The following AGBL1 variants were observed in gnomAD, a reference collection of about 807,000 sequenced individuals.
The protein encoded by AGBL1 is AGBL carboxypeptidase 1.
AGBL1 carries 130 observed loss-of-function variants against 118.9 expected under a neutral mutation model. That is an observed-to-expected ratio of 1.09 (90% CI 0.95 to 1.26). AGBL1 has a LOEUF of 1.26. Among genes scored for constraint, AGBL1 ranks in the 50% most tolerant of loss-of-function variants. AGBL1 has a pLI of 0.00. For synonymous variants in AGBL1, 555 were observed against 478.9 expected (o/e 1.16, Z -2.08); for missense variants, 1,584 against 1,298.1 (o/e 1.22, Z -3.38).
intron 6 of AGBL1, among the ~76,000 whole-genome samples, chr15:86,229,482 C>T (rs1383335091): frequency 6.6e-6 from 1 of 152,170 alleles, no homozygotes; most frequent in Non-Finnish European, 1.5e-5. Context: ...TTACCTCCCA[C>T]CAGGTCCCTT....
At chr15:86,825,387 TAAAAAAAAAAAAAAAA>T (rs869042604) in intron 22 of AGBL1, among the ~76,000 whole-genome samples, 9 of 11,124 alleles carry the variant, frequency 8.1e-4, no homozygotes, top group South Asian at 8.6e-3. Flanking sequence ...GTAGAAACTG[TAAAAAAAAAAAAAAAA>T]AAAAAAAAAA....
chr15:86,817,474 A>ACACACACACG (rs1314437982), intron 22 of AGBL1, among the ~76,000 whole-genome samples: 3 of 148,934 alleles, frequency 2.0e-5, no homozygotes, highest in African/African-American at 7.5e-5. Context: ...ACACACACAC[A>ACACACACACG]CACACACACA....
intron 22 of AGBL1, among the ~76,000 whole-genome samples, chr15:86,841,724 G>A (rs997095554): frequency 2.6e-5 from 4 of 152,038 alleles, no homozygotes; most frequent in East Asian, 1.9e-4. Flanking sequence ...GTGCATGCCC[G>A]TAATCCCATC....
intron 22 of AGBL1, among the ~76,000 whole-genome samples, chr15:86,899,394 G>A (rs1282711782): frequency 6.6e-6 from 1 of 152,074 alleles, no homozygotes; most frequent in Non-Finnish European, 1.5e-5. Context: ...GGGTAGAGGT[G>A]GGGAGGAGGG....
intron 21 of AGBL1, among the ~76,000 whole-genome samples, chr15:86,645,843 G>A (rs1023868015): frequency 1.3e-5 from 2 of 152,110 alleles, no homozygotes; most frequent in Non-Finnish European, 2.9e-5. Flanking sequence ...TGAGCTGAAC[G>A]TTCCAAGCAG....
intron 16 of AGBL1, among the ~76,000 whole-genome samples, chr15:86,292,010 A>G (rs2079554266): frequency 6.6e-6 from 1 of 152,194 alleles, no homozygotes; most frequent in South Asian, 2.1e-4. Flanking sequence ...GCTTTCTGGA[A>G]CATCACAAGA....
chr15:86,396,161 AT>A (rs2081358179), intron 17 of AGBL1, among the ~76,000 whole-genome samples: 1 of 147,658 alleles, frequency 6.8e-6, no homozygotes, highest in Non-Finnish European at 1.5e-5. Context: ...ATATATATAT[AT>A]AAAATCATAT....
At chr15:86,196,507 TA>T (rs1183855159) in intron 5 of AGBL1, among the ~76,000 whole-genome samples, 1 of 152,160 alleles carries the variant, frequency 6.6e-6, no homozygotes, top group African/African-American at 2.4e-5. Context: ...GCCTTATTCC[TA>T]CATCAATCAA....
At chr15:86,964,508 T>C (rs1310819649) in intron 23 of AGBL1, among the ~76,000 whole-genome samples, 2 of 151,988 alleles carry the variant, frequency 1.3e-5, no homozygotes, top group Non-Finnish European at 2.9e-5. Flanking sequence ...AGTAGGTCCG[T>C]AGGATCCTTA....
intron 18 of AGBL1, among the ~76,000 whole-genome samples, chr15:86,508,088 T>A (rs1464392595): frequency 1.4e-5 from 2 of 144,326 alleles, no homozygotes; most frequent in Non-Finnish European, 3.1e-5. Context: ...GCCCAGCTAA[T>A]TTTTTTTGTA....
At chr15:86,260,850 G>C (rs1453206833) in intron 9 of AGBL1, among the ~76,000 whole-genome samples, 2 of 152,254 alleles carry the variant, frequency 1.3e-5, no homozygotes, top group East Asian at 3.9e-4. Context: ...AGGACTGCCT[G>C]GGCTGCTGTG....
At chr15:86,502,436 C>G (rs1230912195) in intron 18 of AGBL1, among the ~76,000 whole-genome samples, 1 of 151,300 alleles carries the variant, frequency 6.6e-6, no homozygotes, top group Non-Finnish European at 1.5e-5. Flanking sequence ...CATTTTCTTG[C>G]ATAATTTCTC....
chr15:86,860,198 G>T (rs1043342999), intron 22 of AGBL1, among the ~76,000 whole-genome samples: 1 of 152,048 alleles, frequency 6.6e-6, no homozygotes, highest in Admixed American at 6.6e-5. Context: ...TCAAGGGAGG[G>T]CAATGAAGCC....
At chr15:86,503,003 T>A (rs1298968703) in intron 18 of AGBL1, among the ~76,000 whole-genome samples, 1 of 151,456 alleles carries the variant, frequency 6.6e-6, no homozygotes, top group Non-Finnish European at 1.5e-5. Flanking sequence ...TAATTCTTCC[T>A]TAAACGCTTG....
chr15:86,779,140 A>C (rs189360740), intron 22 of AGBL1, among the ~76,000 whole-genome samples: 18 of 152,022 alleles, frequency 1.2e-4, no homozygotes, highest in Non-Finnish European at 2.2e-4. Flanking sequence ...ATCGTTCACT[A>C]TTCTTATTAT....
At chr15:87,010,661 G>A (rs1305445528) in intron 24 of AGBL1, among the ~76,000 whole-genome samples, 1 of 152,176 alleles carries the variant, frequency 6.6e-6, no homozygotes, top group East Asian at 1.9e-4. Context: ...GCCTCAGACT[G>A]AGAATTACAC....
chr15:86,972,029 A>C (rs2081113850), intron 23 of AGBL1, among the ~76,000 whole-genome samples: 1 of 151,980 alleles, frequency 6.6e-6, no homozygotes, highest in East Asian at 1.9e-4. Flanking sequence ...TTCCCTAGTC[A>C]TGCTGAACTG....
In AGBL1 at chr15:86,264,330, G is replaced by A. The variant is rs1451106042; in HGVS notation, c.1159G>A (p.Ala387Thr). Residue 387 changes from alanine to threonine, a missense_variant, in exon 11 of 23, where the codon GCC (alanine) becomes ACC (threonine). Transcript: ENST00000614907. ...GTATGCCAATCACCACCACATTCCA[G>A]CCGCTGCCTCCTCAAAACAGCATTG... ...TQYANHHHIP[A>T]AASSKQHCYS... 1 of 1,612,208 alleles carries A rather than the reference G, an allele frequency of 6.2e-7. No homozygotes were observed. Among genetic ancestry groups the A allele is most frequent in the Non-Finnish European group, 8.5e-7 (1 of 1,179,108 alleles).
At chr15:86,584,323 A>G (rs2084215195) in intron 21 of AGBL1, among the ~76,000 whole-genome samples, 1 of 152,142 alleles carries the variant, frequency 6.6e-6, no homozygotes, top group African/African-American at 2.4e-5. Flanking sequence ...TTAAGGTGTT[A>G]CATTTAAATC....
Sources: allele counts gnomAD v4.1 joint callset (sites outside exome capture counted in the v4.1 genomes callset), GRCh38; gene constraint gnomAD v4.1.1; transcripts MANE v1.5; gene names NCBI Gene and HGNC (gene_info 2026-07-23, HGNC 2026-07-21).